EPB41: variants seen among roughly 807,000 people sequenced by gnomAD.
The protein encoded by EPB41 is protein 4.1.
Under a neutral mutation model 108.0 loss-of-function variants are expected in EPB41, and 65 were observed. The ratio of observed to expected loss-of-function variants is 0.60; its 90% confidence interval spans 0.49 to 0.74. The LOEUF is 0.74. EPB41 is among the 30% of genes least tolerant of loss of function. EPB41 has a pLI of 0.00. For synonymous variants in EPB41, 336 were observed against 358.9 expected (o/e 0.94, Z 0.72); for missense variants, 875 against 1,037.0 (o/e 0.84, Z 2.15).
At chr1:28,931,393 C>T (rs2093735333) in intron 1 of EPB41, among the ~76,000 whole-genome samples, 1 of 142,070 alleles carries the variant, frequency 7.0e-6, no homozygotes, top group Admixed American at 7.0e-5. Context: ...AAAAAAAAGG[C>T]TGAAAAATAG....
chr1:28,995,447 A>G (rs374448661), intron 3 of EPB41, among the ~76,000 whole-genome samples: 1 of 152,190 alleles, frequency 6.6e-6, no homozygotes, highest in East Asian at 1.9e-4. Flanking sequence ...CTGTAGTCCC[A>G]GCTGCTTGGG....
At chr1:28,923,221 A>ACAC (rs2093238571) in intron 1 of EPB41, among the ~76,000 whole-genome samples, 1 of 142,934 alleles carries the variant, frequency 7.0e-6, no homozygotes, top group South Asian at 2.2e-4. Flanking sequence ...TCAGCCTCCC[A>ACAC]AGTAGCTGGG....
chr1:28,959,810 G>T (rs973243987), intron 1 of EPB41, among the ~76,000 whole-genome samples: 1 of 151,730 alleles, frequency 6.6e-6, no homozygotes, highest in South Asian at 2.1e-4. Context: ...GTTCTTCCTT[G>T]CTCTCTTTTT....
chr1:28,952,241 C>A (rs966368989), intron 1 of EPB41, among the ~76,000 whole-genome samples: 1 of 148,928 alleles, frequency 6.7e-6, no homozygotes, highest in African/African-American at 2.5e-5. Context: ...CAAAGTGGTT[C>A]GTGCGGCCGG....
chr1:29,078,523 C>G, intron 16 of EPB41, among the ~76,000 whole-genome samples: 1 of 152,022 alleles, frequency 6.6e-6, no homozygotes, highest in African/African-American at 2.4e-5. Flanking sequence ...CTTTGGGAGG[C>G]TGAGGCAGGA....
At position 28,983,653 on chromosome 1, in the gene EPB41, C is replaced by T. The variant is rs145502758; in HGVS notation, c.-7-3778C>T. Among the ~76,000 whole-genome samples the T allele has an allele frequency of 2.0e-3, 299 of 152,298 alleles. 1 individual carries two copies. The highest frequency in any genetic ancestry group is 6.7e-3 in the African/African-American group (280 of 41,550). On this transcript the variant is annotated intron_variant, in intron 1 of 20. Coordinates refer to ENST00000343067, the MANE Select transcript of EPB41 (RefSeq NM_001376013.1). ...GAACTGGAGTGCACAAGCGCTGGAACGAGCTGACTGCCTTGGTGCTTGCAG... is the reference window on the plus strand; with the variant it reads ...GAACTGGAGTGCACAAGCGCTGGAATGAGCTGACTGCCTTGGTGCTTGCAG...
chr1:28,898,358 T>A (rs1159928340), intron 1 of EPB41, among the ~76,000 whole-genome samples: 1 of 151,720 alleles, frequency 6.6e-6, no homozygotes, highest in East Asian at 1.9e-4. Context: ...CTCTCAGGAG[T>A]CAATAACCTG....
At chr1:28,984,324 C>T (rs999576565) in intron 1 of EPB41, among the ~76,000 whole-genome samples, 1 of 152,162 alleles carries the variant, frequency 6.6e-6, no homozygotes, top group East Asian at 1.9e-4. Flanking sequence ...GTCAGAGACC[C>T]GTCCTTTTCT....
intron 16 of EPB41, among the ~76,000 whole-genome samples, chr1:29,075,015 G>A (rs539418870): frequency 6.5e-4 from 98 of 151,934 alleles, no homozygotes; most frequent in African/African-American, 2.2e-3. Context: ...AAATTAGCTG[G>A]GCGTGGTGAT....
intron 2 of EPB41, among the ~76,000 whole-genome samples, chr1:28,990,333 T>TTCCC (rs1553220088): frequency 2.3e-4 from 29 of 127,226 alleles, no homozygotes; most frequent in Non-Finnish European, 3.3e-4. Context: ...CCTTCCTTCC[T>TTCCC]TCCCTCCCTC....
chr1:29,115,089 G>T lies in EPB41; in HGVS notation c.2497-610G>T, dbSNP rs902133418. Reference sequence around the variant, plus strand: ...CCTCCAGGTATAATGATAGATAATAGATAGGTATAATAGATAATATAGGCC... The same window carrying T: ...CCTCCAGGTATAATGATAGATAATATATAGGTATAATAGATAATATAGGCC... On this transcript the variant is annotated intron_variant, in intron 19 of 20. Transcript: ENST00000343067. This position sits in a 1 kb window ranked among gnomAD's most constrained non-coding sequence, Gnocchi z 4.4. Among the ~76,000 whole-genome samples, 3 of 152,150 alleles carry T rather than the reference G, an allele frequency of 2.0e-5. No homozygotes were observed. The highest frequency in any genetic ancestry group is 7.2e-5 in the African/African-American group (3 of 41,512).
intron 4 of EPB41, 121 bp downstream of exon 4, chr1:28,997,440 T>C (rs1326782428): frequency 1.4e-6 from 1 of 691,928 alleles, no homozygotes. Context: ...TCCTGTCTAC[T>C]CTTATTTCTT....
intron 16 of EPB41, among the ~76,000 whole-genome samples, chr1:29,090,081 T>G (rs1660646022): frequency 6.6e-6 from 1 of 152,070 alleles, no homozygotes; most frequent in Non-Finnish European, 1.5e-5. Context: ...CTGGCCAACA[T>G]GGTGAAACCC....
intron 1 of EPB41, among the ~76,000 whole-genome samples, chr1:28,975,940 CAAAAAAA>C (rs775554564): frequency 3.0e-5 from 2 of 67,672 alleles, no homozygotes; most frequent in Non-Finnish European, 6.3e-5. Context: ...GACTCCATCT[CAAAAAAA>C]AAAAAAAAAA....
intron 7 of EPB41, among the ~76,000 whole-genome samples, chr1:29,019,737 A>T (rs201669679): frequency 6.6e-6 from 1 of 152,142 alleles, no homozygotes; most frequent in East Asian, 1.9e-4. Flanking sequence ...TTGGAATAGG[A>T]TTGCATGGAT....
chr1:29,047,236 TTTTC>T (rs895937854), intron 11 of EPB41, among the ~76,000 whole-genome samples: 11 of 147,870 alleles, frequency 7.4e-5, no homozygotes, highest in African/African-American at 1.5e-4. Context: ...TGTGTTTCTT[TTTTC>T]TTTCTTTCTT....
intron 19 of EPB41, among the ~76,000 whole-genome samples, chr1:29,114,487 AC>A (rs1670216148): frequency 6.6e-6 from 1 of 152,066 alleles, no homozygotes; most frequent in African/African-American, 2.4e-5. Flanking sequence ...TACTAAAAAT[AC>A]AAAAATTAGC....
rs1381289815 is a variant in EPB41 at position 28,887,833 on chromosome 1, C to T, written c.-8+623C>T. 1 of 262,188 alleles carries T rather than the reference C, an allele frequency of 3.8e-6. No individual in the cohort carries two copies. The highest frequency in any genetic ancestry group is 5.9e-6 in the Non-Finnish European group (1 of 168,676). The allele number at this position is 262,188 out of a possible 1,614,324, so 16.2% of individuals were successfully genotyped here. On this transcript the variant is annotated intron_variant, in intron 1 of 16. Transcript: ENST00000347529. This position sits in a 1 kb window ranked among gnomAD's most constrained non-coding sequence, Gnocchi z 4.9. Reference sequence around the variant, plus strand: ...GCCAGGCTTGGTCTAGGGGACTTCCCTCTGTCTGGGTCTCCCGGGTCTCTC... The same window carrying T: ...GCCAGGCTTGGTCTAGGGGACTTCCTTCTGTCTGGGTCTCCCGGGTCTCTC...
At chr1:28,929,085 T>C (rs982987512) in intron 1 of EPB41, among the ~76,000 whole-genome samples, 3 of 152,228 alleles carry the variant, frequency 2.0e-5, no homozygotes, top group Non-Finnish European at 4.4e-5. Context: ...ATATGTAATA[T>C]GCTTAACATA....
Sources: allele counts gnomAD v4.1 joint callset (sites outside exome capture counted in the v4.1 genomes callset), GRCh38; gene constraint gnomAD v4.1.1; non-coding constraint Gnocchi (gnomAD v3.1); transcripts MANE v1.5; gene names NCBI Gene and HGNC (gene_info 2026-07-23, HGNC 2026-07-21).